TAF1L: variants seen among roughly 807,000 people sequenced by gnomAD.
TAF1L encodes the protein TATA-box binding protein associated factor 1 like.
TAF1L carries 30 observed loss-of-function variants against 128.8 expected under a neutral mutation model. The observed-to-expected ratio is 0.23, with a 90% confidence interval of 0.17 to 0.32. The LOEUF (loss-of-function observed/expected upper bound fraction) is 0.32, where lower values mean the gene tolerates loss of function less well. Among genes scored for constraint, TAF1L ranks in the 10% least tolerant of loss-of-function variants. The probability of loss-of-function intolerance (pLI) is 1.00; values close to 1 mark genes in which losing one functional copy is unlikely to be tolerated. For synonymous variants in TAF1L, 764 were observed against 790.7 expected (o/e 0.97, Z 0.57); for missense variants, 2,099 against 2,253.7 (o/e 0.93, Z 1.39).
rs1223079696 is a variant in TAF1L at position 32,632,242 on chromosome 9, T to C, written c.3338A>G (p.Asp1113Gly). 1.2e-6 allele frequency: 2 copies of C among 1,614,140 alleles called. No individual in the cohort carries two copies. Among genetic ancestry groups the C allele is most frequent in the Non-Finnish European group, 1.7e-6 (2 of 1,180,052 alleles). The change falls in exon 1 of 1, where the codon GAT becomes GGT. Residue 1113 changes from aspartate to glycine, a missense_variant. By Grantham distance (94) the Asp-to-Gly change is moderately conservative. Transcript: ENST00000242310. The surrounding 1 kb of genome is among the most constrained non-coding windows in gnomAD (Gnocchi z 4.4). ...STDTDSISAE[D>G]SDFEEMGKNI... Reference sequence around the variant, plus strand: ...CTTTCCCATTTCTTCAAAGTCACTATCTTCAGCTGAGATGCTGTCTGTGTC... The same window carrying C: ...CTTTCCCATTTCTTCAAAGTCACTACCTTCAGCTGAGATGCTGTCTGTGTC...
Position 32,630,565 on chromosome 9 carries a change from T to C in TAF1L, c.5015A>G (p.Asn1672Ser). 1 of 1,614,192 alleles carries C rather than the reference T, an allele frequency of 6.2e-7. No individual in the cohort carries two copies. The highest frequency in any genetic ancestry group is 8.5e-7 in the Non-Finnish European group (1 of 1,180,046). ...ATCTCGAGACGTACTGAGGGATGTG[T>C]TGGTATCATACATATCAGGAGGCTG... ...TSQPPDMYDT[N>S]TSLSTSRDAS... Residue 1672 changes from asparagine to serine, a missense_variant, in exon 1 of 1, where the codon AAC (asparagine) becomes AGC (serine). Asn to Ser is a conservative substitution (Grantham distance 46). Coordinates refer to ENST00000242310, the MANE Select transcript of TAF1L (RefSeq NM_153809.2).
Position 32,634,579 on chromosome 9 carries a change from A to G in TAF1L, c.1001T>C (p.Val334Ala), listed in dbSNP as rs1238631498. 1 of 1,614,194 alleles carries G rather than the reference A, an allele frequency of 6.2e-7. No individual in the cohort carries two copies. The change falls in exon 1 of 1, where the codon GTT (valine) becomes GCT (alanine). Residue 334 changes from valine (V) to alanine (A), a missense_variant. Coordinates refer to ENST00000242310, the MANE Select transcript of TAF1L (RefSeq NM_153809.2). ...CLADDEITMM[V>A]PVESKFSQST... is the part of the protein sequence containing the mutation. ...TTGGGAAAATTTGGACTCCACAGGAACCATCATCGTGATTTCATCATCAGC... is the reference window on the plus strand; with the variant it reads ...TTGGGAAAATTTGGACTCCACAGGAGCCATCATCGTGATTTCATCATCAGC...
Position 32,629,964 on chromosome 9 carries a change from C to T in TAF1L, c.*135G>A. 6.6e-7 allele frequency: 1 copy of T among 1,519,058 alleles called. No individual in the cohort carries two copies. Among genetic ancestry groups the T allele is most frequent in the Non-Finnish European group, 8.9e-7 (1 of 1,129,058 alleles). The allele number at this position is 1,519,058 out of a possible 1,614,324, so 94.1% of individuals were successfully genotyped here. On this transcript the variant is annotated 3_prime_UTR_variant, in exon 1 of 1. Transcript: ENST00000242310. The stretch of plus-strand genomic sequence containing the variant: ...AGCCACCATGCCCAGCTGGAAATTT[C>T]CGATGCTGCTGAAGCTTGTGTCTTG...
rs141396090 is a variant in TAF1L at position 32,633,948 on chromosome 9, G to A, written c.1632C>T (p.Pro544=). 1,277 of 1,614,138 alleles carry A rather than the reference G, an allele frequency of 7.9e-4. 15 individuals carry two copies. The African/African-American group carries it at 0.015, about 19-fold the overall frequency. The stretch of plus-strand genomic sequence containing the variant: ...ATGATTCCTTCTTACTCTCCTTGGA[G>A]GGGGAGTTAGAGGTGGCCTCTTCCT... The part of the protein sequence containing the change: ...DEKEEATSNS[P]SKESKKESSL... Residue 544 remains proline, a synonymous_variant, in exon 1 of 1, where the codon CCC becomes CCT. Coordinates refer to ENST00000242310, the MANE Select transcript of TAF1L (RefSeq NM_153809.2).
In TAF1L at chr9:32,635,589, A is replaced by G; in HGVS notation, c.-10T>C. ...CGCAGCCGGGTCGCATAAACCGGAA[A>G]TAAAACAACAGTCGCCCGGAAGTGA... is the stretch of plus-strand genomic sequence containing the variant. On this transcript the variant is annotated 5_prime_UTR_variant, in exon 1 of 1. Transcript: ENST00000242310. The G allele has an allele frequency of 6.2e-7, 1 of 1,608,276 alleles. No individual in the cohort carries two copies.
Position 32,629,936 on chromosome 9 carries a change from G to T in TAF1L, c.*163C>A, listed in dbSNP as rs1050993723. On this transcript the variant is annotated 3_prime_UTR_variant, in exon 1 of 1. Coordinates refer to ENST00000242310, the MANE Select transcript of TAF1L (RefSeq NM_153809.2). ...CTCCCAGAGTGCTGAGATTACAGGT[G>T]TGAGCCACCATGCCCAGCTGGAAAT... The T allele has an allele frequency of 1.4e-5, 20 of 1,389,598 alleles. No individual in the cohort carries two copies. The South Asian group carries it at 2.7e-4, about 19-fold the overall frequency. The allele number at this position is 1,389,598 out of a possible 1,614,324, so 86.1% of individuals were successfully genotyped here. A position where few individuals can be genotyped will look rare whatever the true frequency, so the allele number is the denominator to read the frequency against.
rs777518814 is a variant in TAF1L, at chr9:32,633,455, A to G, written c.2125T>C (p.Leu709=). 4 of 1,614,084 alleles carry G rather than the reference A, an allele frequency of 2.5e-6. No homozygotes were observed. Among genetic ancestry groups the G allele is most frequent in the African/African-American group, 2.7e-5 (2 of 74,930 alleles). The change falls in exon 1 of 1, where the codon TTA becomes CTA. Residue 709 remains leucine, a synonymous_variant. Transcript: ENST00000242310. ...GTTGCCATGCCAACCTGCATCATTA[A>G]GGGTCCATTTTCCTCACTATATTCT... ...LAEYSEENGP[L]MMQVGMATKI...
At position 32,632,581 on chromosome 9, in the gene TAF1L, G is replaced by C; in HGVS notation, c.2999C>G (p.Pro1000Arg). Residue 1000 changes from proline to arginine, a missense_variant, in exon 1 of 1, where the codon CCA becomes CGA. Transcript: ENST00000242310. This position sits in a 1 kb window ranked among gnomAD's most constrained non-coding sequence, Gnocchi z 4.4. ...TGTCACTGTCTTCTTCACTGCCTGT[G>C]GCTCTTTATCATCCTTCTGCTGTGT... ...KPTQQKDDKE[P>R]QAVKKTVTGT... 3 of 1,614,184 alleles carry C rather than the reference G, an allele frequency of 1.9e-6. No individual in the cohort carries two copies. The highest frequency in any genetic ancestry group is 2.5e-6 in the Non-Finnish European group (3 of 1,180,038).
Position 32,631,746 on chromosome 9 carries a change from G to T in TAF1L, c.3834C>A (p.Asp1278Glu), listed in dbSNP as rs1231379021. ...CACATGCCCCACATTTCAGTTTTAG[G>T]TCAGGACGCTCTTTCATTTTCTTGG... ...KKPKKMKERP[D>E]LKLKCGACGA... The change falls in exon 1 of 1, where the codon GAC becomes GAA. Residue 1278 changes from aspartate (D) to glutamate (E), a missense_variant. Physicochemically the swap from Asp to Glu is conservative, Grantham distance 45 (BLOSUM62 2). Transcript: ENST00000242310. The surrounding 1 kb of genome is among the most constrained non-coding windows in gnomAD (Gnocchi z 4.1). 1 of 1,613,978 alleles carries T rather than the reference G, an allele frequency of 6.2e-7. No individual in the cohort carries two copies. The highest frequency in any genetic ancestry group is 1.3e-5 in the African/African-American group (1 of 74,872).
Position 32,634,337 on chromosome 9 carries a change from G to T in TAF1L, c.1243C>A (p.Leu415Ile). 1 of 1,614,174 alleles carries T rather than the reference G, an allele frequency of 6.2e-7. No homozygotes were observed. The highest frequency in any genetic ancestry group is 8.5e-7 in the Non-Finnish European group (1 of 1,180,034). The change falls in exon 1 of 1, where the codon CTT (leucine) becomes ATT (isoleucine). Residue 415 changes from leucine (L) to isoleucine (I), a missense_variant. By Grantham distance (5) the Leu-to-Ile change is conservative. Transcript: ENST00000242310. ...ATCAGGAAGTTTTCGTCAGCCAGAAGATCAGTGCCATTGCTTTCCTCAAGT... is the reference window on the plus strand; with the variant it reads ...ATCAGGAAGTTTTCGTCAGCCAGAATATCAGTGCCATTGCTTTCCTCAAGT... ...RKLEESNGTD[L>I]LADENFLMVT...
At position 32,631,899 on chromosome 9, in the gene TAF1L, T is replaced by A; in HGVS notation, c.3681A>T (p.Lys1227Asn). 1.2e-6 allele frequency: 2 copies of A among 1,614,234 alleles called. No homozygotes were observed. The highest frequency in any genetic ancestry group is 1.7e-6 in the Non-Finnish European group (2 of 1,180,042). Residue 1227 changes from lysine (K) to asparagine (N), a missense_variant, in exon 1 of 1, where the codon AAA becomes AAT. Physicochemically the swap from Lys to Asn is moderately conservative, Grantham distance 94. Transcript: ENST00000242310. The surrounding 1 kb of genome is among the most constrained non-coding windows in gnomAD (Gnocchi z 4.1). Reference protein sequence around the residue: ...RTTKDEKFIQKFALFDEKHRE... With the variant: ...RTTKDEKFIQNFALFDEKHRE... ...GATGTTTTTCATCAAAAAGGGCAAA[T>A]TTTTGAATGAATTTCTCATCTTTTG...
At position 32,634,814 on chromosome 9, in the gene TAF1L, C is replaced by T; in HGVS notation, c.766G>A (p.Gly256Arg). The T allele has an allele frequency of 6.2e-7, 1 of 1,614,144 alleles. No individual in the cohort carries two copies. The highest frequency in any genetic ancestry group is 1.1e-5 in the South Asian group (1 of 91,082). ...VTELFPEFRP[G>R]KVLRFLHLFG... ...AGATGTAGGAAGCGTAACACTTTTCCAGGTCGAAATTCTGGAAAAAGTTCG... is the reference window on the plus strand; with the variant it reads ...AGATGTAGGAAGCGTAACACTTTTCTAGGTCGAAATTCTGGAAAAAGTTCG... Residue 256 changes from glycine to arginine, a missense_variant, in exon 1 of 1, where the codon GGA (glycine) becomes AGA (arginine). Around this residue, in one of 4 missense-constraint regions of TAF1L, gnomAD observed 473 missense variants for 429.6 expected, o/e 1.10. Transcript: ENST00000242310.
Position 32,630,240 on chromosome 9 carries a change from T to G in TAF1L, c.5340A>C (p.Glu1780Asp), listed in dbSNP as rs750348291. 1.9e-6 allele frequency: 3 copies of G among 1,614,132 alleles called. No homozygotes were observed. The highest frequency in any genetic ancestry group is 1.7e-5 in the Admixed American group (1 of 60,010). ...TAGCAGAGAAAGGATTGTCTCCTTC[T>G]TCGTCACTCCCAGCATCTTCCTCAT... is the stretch of plus-strand genomic sequence containing the variant. ...EDDEEDAGSD[E>D]EGDNPFSAIQ... Residue 1780 changes from glutamate to aspartate, a missense_variant, in exon 1 of 1, where the codon GAA (glutamate) becomes GAC (aspartate). By Grantham distance (45) the Glu-to-Asp change is conservative. This residue lies in a region of TAF1L where 404 missense variants were observed against 406.5 expected (regional missense o/e 0.99). Transcript: ENST00000242310.
Position 32,633,592 on chromosome 9 carries a change from T to C in TAF1L, c.1988A>G (p.Lys663Arg). Residue 663 changes from lysine (K) to arginine (R), a missense_variant, in exon 1 of 1, where the codon AAA (lysine) becomes AGA (arginine). Physicochemically the swap from Lys to Arg is conservative, Grantham distance 26. This residue lies in a region of TAF1L where 1,213 missense variants were observed against 1,391.4 expected (regional missense o/e 0.87). Transcript: ENST00000242310. ...TTGTTCTCTCATCTTGGCCTTTTTT[T>C]TGATGTGCTTTAGCAAAGGTTGGAC... ...HSVQPLLKHI[K>R]KKAKMREQER... is the part of the protein sequence containing the mutation. 2.1e-5 allele frequency: 34 copies of C among 1,614,198 alleles called. No individual in the cohort carries two copies. The highest frequency in any genetic ancestry group is 2.9e-5 in the Non-Finnish European group (34 of 1,180,044).
In TAF1L at chr9:32,634,695, C is replaced by A; in HGVS notation, c.885G>T (p.Gln295His). 1 of 1,614,178 alleles carries A rather than the reference C, an allele frequency of 6.2e-7. No individual in the cohort carries two copies. The highest frequency in any genetic ancestry group is 8.5e-7 in the Non-Finnish European group (1 of 1,180,030). Residue 295 changes from glutamine to histidine, a missense_variant, in exon 1 of 1, where the codon CAG becomes CAT. This residue lies in a region of TAF1L where 473 missense variants were observed against 429.6 expected (regional missense o/e 1.10). Coordinates refer to ENST00000242310, the MANE Select transcript of TAF1L (RefSeq NM_153809.2). ...HRELIQEEQI[Q>H]EVECSVESEV... ...CTGATTCTACTGAGCATTCCACCTC[C>A]TGGATCTGCTCTTCCTGTATCAGCT...
rs958935434 is a variant in TAF1L at position 32,631,479 on chromosome 9, C to G, written c.4101G>C (p.Gln1367His). ...RKSLVLKFPKQQLPPKKKRRV... is the reference protein window; with the variant it reads ...RKSLVLKFPKHQLPPKKKRRV... ...GCCGTTTCTTCTTTGGAGGAAGCTG[C>G]TGTTTAGGAAACTTGAGAACCAGAG... The change falls in exon 1 of 1, where the codon CAG becomes CAC. Residue 1367 changes from glutamine to histidine, a missense_variant. Physicochemically the swap from Gln to His is conservative, Grantham distance 24. Coordinates refer to ENST00000242310, the MANE Select transcript of TAF1L (RefSeq NM_153809.2). The surrounding 1 kb of genome is among the most constrained non-coding windows in gnomAD (Gnocchi z 4.1). The G allele has an allele frequency of 3.1e-6, 5 of 1,614,214 alleles. No individual in the cohort carries two copies. The highest frequency in any genetic ancestry group is 2.7e-5 in the African/African-American group (2 of 75,048).
Position 32,635,004 on chromosome 9 carries a change from A to C in TAF1L, c.576T>G (p.Pro192=), listed in dbSNP as rs1449185987. The C allele has an allele frequency of 6.2e-7, 1 of 1,614,002 alleles. No homozygotes were observed. Among genetic ancestry groups the C allele is most frequent in the Non-Finnish European group, 8.5e-7 (1 of 1,180,030 alleles). The change falls in exon 1 of 1, where the codon CCT becomes CCG. Residue 192 remains proline (P), a synonymous_variant. Transcript: ENST00000242310. ...EDIILPSIIA[P]SFLASEKVDF... ...CCACTTTCTCTGAGGCCAAAAAGGAAGGGGCAATGATGGAGGGCAAGATGA... is the reference window on the plus strand; with the variant it reads ...CCACTTTCTCTGAGGCCAAAAAGGACGGGGCAATGATGGAGGGCAAGATGA...
In TAF1L at chr9:32,630,848, T is replaced by C. The variant is rs1401382682; in HGVS notation, c.4732A>G (p.Lys1578Glu). 1.2e-5 allele frequency: 19 copies of C among 1,614,100 alleles called. No homozygotes were observed. Among genetic ancestry groups the C allele is most frequent in the Non-Finnish European group, 1.6e-5 (19 of 1,180,042 alleles). The change falls in exon 1 of 1, where the codon AAG becomes GAG. Residue 1578 changes from lysine (K) to glutamate (E), a missense_variant. Coordinates refer to ENST00000242310, the MANE Select transcript of TAF1L (RefSeq NM_153809.2). Reference protein sequence around the residue: ...DLETIRKNISKHKYQSRESFL... With the variant: ...DLETIRKNISEHKYQSRESFL... Reference sequence around the variant, plus strand: ...CTCTCCCGACTCTGATACTTGTGCTTGGAGATGTTCTTACGTATGGTCTCT... The same window carrying C: ...CTCTCCCGACTCTGATACTTGTGCTCGGAGATGTTCTTACGTATGGTCTCT...
chr9:32,630,037 T>A lies in TAF1L; in HGVS notation c.*62A>T. The A allele has an allele frequency of 6.2e-7, 1 of 1,602,638 alleles. No individual in the cohort carries two copies. The highest frequency in any genetic ancestry group is 8.5e-7 in the Non-Finnish European group (1 of 1,174,744). On this transcript the variant is annotated 3_prime_UTR_variant, in exon 1 of 1. Coordinates refer to ENST00000242310, the MANE Select transcript of TAF1L (RefSeq NM_153809.2). The stretch of plus-strand genomic sequence containing the variant: ...TCCTCACAGCTCCCATAACTGATGT[T>A]GCTATCCTCCAAATCATGGGAAGCC...
Sources: gnomAD v4.1 joint callset for allele counts on GRCh38, gnomAD v4.1.1 for gene constraint, gnomAD v4.1.1 regional missense constraint, Gnocchi (gnomAD v3.1) non-coding constraint, MANE v1.5 for transcripts, NCBI Gene and HGNC (gene_info 2026-07-23, HGNC 2026-07-21) for gene names.